The following FGFRL1 variants were observed in gnomAD, a reference collection of about 807,000 sequenced individuals.
FGFRL1 encodes fibroblast growth factor receptor like 1.
Under a neutral mutation model 36.8 loss-of-function variants are expected in FGFRL1, and 24 were observed. The ratio of observed to expected loss-of-function variants is 0.65; its 90% CI spans 0.47 to 0.92. The LOEUF is 0.92. FGFRL1 is among the 40% of genes least tolerant of loss of function. FGFRL1 has a pLI of 0.00. For synonymous variants in FGFRL1, 422 were observed against 344.1 expected (o/e 1.23, Z -2.50); for missense variants, 785 against 753.4 (o/e 1.04, Z -0.49).
intron 2 of FGFRL1, among the ~76,000 whole-genome samples, chr4:1,012,857 C>G (rs1009029153): frequency 1.3e-5 from 2 of 152,268 alleles, no homozygotes; most frequent in Non-Finnish European, 2.9e-5. Context: ...CACTTTCATA[C>G]TCGTACCTGC....
At chr4:1,024,246 A>G (rs893784130) in intron 5 of FGFRL1, 65 bp from the exon 6 acceptor site, 7 of 1,501,466 alleles carry the variant, frequency 4.7e-6, no homozygotes, top group African/African-American at 1.4e-5. Flanking sequence ...TGGTGGGCCC[A>G]GGGTGCTGGC....
intron 2 of FGFRL1, among the ~76,000 whole-genome samples, chr4:1,013,946 G>A (rs1715746421): frequency 6.6e-6 from 1 of 152,278 alleles, no homozygotes; most frequent in Non-Finnish European, 1.5e-5. Context: ...GCGGCACTGG[G>A]GAGCTGGGAT....
At position 1,012,408 on chromosome 4, in the gene FGFRL1, G is replaced by T; in HGVS notation, c.-16-62G>T. The T allele has an allele frequency of 1.9e-6, 3 of 1,557,004 alleles. No individual in the cohort carries two copies. In the South Asian group the frequency reaches 3.5e-5, roughly 18 times the overall value. On this transcript the variant is annotated intron_variant, in intron 1 of 6. Transcript: ENST00000510644. ...CAGACCCCTGATCCCCGCGGCCCGG[G>T]ACCGGGGAGGGCGGTATCTCCCAGT...
At chr4:1,012,621 C>A in intron 2 of FGFRL1, 57 bp downstream of exon 2, 1 of 810,842 alleles carries the variant, frequency 1.2e-6, no homozygotes, top group Non-Finnish European at 1.8e-6. Flanking sequence ...GCCCCCTTCC[C>A]GCCCGGCCCT....
chr4:1,022,895 G>A (rs1447853664), intron 3 of FGFRL1, among the ~76,000 whole-genome samples: 2 of 152,222 alleles, frequency 1.3e-5, no homozygotes, highest in Non-Finnish European at 1.5e-5. Flanking sequence ...CGCTGGGCTT[G>A]GACAGGTGTC....
At chr4:1,018,644 T>C (rs906860588) in intron 2 of FGFRL1, among the ~76,000 whole-genome samples, 1 of 151,260 alleles carries the variant, frequency 6.6e-6, no homozygotes, top group Non-Finnish European at 1.5e-5. Flanking sequence ...CCGGCGGGGG[T>C]TCCCTGTGTT....
chr4:1,013,555 ATGGGCCTGGCT>A (rs1411748272), intron 2 of FGFRL1, among the ~76,000 whole-genome samples: 3 of 152,160 alleles, frequency 2.0e-5, no homozygotes, highest in Admixed American at 6.5e-5. Context: ...GCCTGCCCAC[ATGGGCCTGGCT>A]GAGCGGCTGC....
At chr4:1,014,109 G>A (rs570427051) in intron 2 of FGFRL1, among the ~76,000 whole-genome samples, 9 of 152,330 alleles carry the variant, frequency 5.9e-5, no homozygotes, top group South Asian at 2.1e-4. Flanking sequence ...GTGCACCTTC[G>A]TTAGGCCAAG....
intron 2 of FGFRL1, among the ~76,000 whole-genome samples, chr4:1,015,562 G>C (rs1008041846): frequency 1.3e-5 from 2 of 152,232 alleles, no homozygotes; most frequent in African/African-American, 4.8e-5. Flanking sequence ...AGTCAGCGTG[G>C]GTGGGGGTCT....
intron 5 of FGFRL1, 73 bp downstream of exon 5, chr4:1,024,174 T>TGGGCGGGGGCGCTGGC (rs1560564859): frequency 4.7e-6 from 1 of 212,674 alleles, no homozygotes; most frequent in Non-Finnish European, 7.1e-6. Context: ...GGGGTGCTGG[T>TGGGCGGGGGCGCTGGC]GGGCGGGGGC....
intron 3 of FGFRL1, 51 bp downstream of exon 3, chr4:1,022,526 G>C (rs747996757): frequency 3.8e-5 from 59 of 1,540,654 alleles, no homozygotes; most frequent in Non-Finnish European, 5.2e-5. Context: ...AGCCAGGCAG[G>C]GGTGTGCAGG....
rs1715651276 is a variant in FGFRL1 at position 1,012,534 on chromosome 4, G to A, written c.49G>A (p.Gly17Arg). The change falls in exon 2 of 7, where the codon GGG (glycine) becomes AGG (arginine). Residue 17 changes from glycine (G) to arginine (R), a missense_variant. By Grantham distance (125) the Gly-to-Arg change is moderately radical. Transcript: ENST00000510644. ...GCTCCTGCTGCCGCCGCTGCTGCTGGGGGCCTTCCCGCCGGCCGCCGCCGC... is the reference window on the plus strand; with the variant it reads ...GCTCCTGCTGCCGCCGCTGCTGCTGAGGGCCTTCCCGCCGGCCGCCGCCGC... ...LLLLLPPLLLGAFPPAAAARG... is the reference protein window; with the variant it reads ...LLLLLPPLLLRAFPPAAAARG... 1 of 1,529,952 alleles carries A rather than the reference G, an allele frequency of 6.5e-7. No individual in the cohort carries two copies. The highest frequency in any genetic ancestry group is 8.8e-7 in the Non-Finnish European group (1 of 1,142,638). 94.8% of individuals were successfully genotyped at this position (1,529,952 alleles called of 1,614,324 possible).
At chr4:1,024,127 G>A in intron 5 of FGFRL1, 26 bp downstream of exon 5, 3 of 1,441,768 alleles carry the variant, frequency 2.1e-6, no homozygotes, top group Non-Finnish European at 2.7e-6. Flanking sequence ...GGCGCTGGCG[G>A]GCGGGGGGTG....
In FGFRL1 at chr4:1,023,903, G is replaced by A. The variant is rs1364657733; in HGVS notation, c.520G>A (p.Ala174Thr). The change falls in exon 5 of 7, where the codon GCC (alanine) becomes ACC (threonine). Residue 174 changes from alanine (A) to threonine (T), a missense_variant. By Grantham distance (58) the Ala-to-Thr change is moderately conservative. Transcript: ENST00000510644. This position sits in a 1 kb window ranked among gnomAD's most constrained non-coding sequence, Gnocchi z 6.0. ...VGSSVRLKCV[A>T]SGHPRPDITW... is the part of the protein sequence containing the mutation. Reference sequence around the variant, plus strand: ...TAGCTCCGTGCGGCTCAAGTGCGTGGCCAGCGGGCACCCTCGGCCCGACAT... The same window carrying A: ...TAGCTCCGTGCGGCTCAAGTGCGTGACCAGCGGGCACCCTCGGCCCGACAT... 6.3e-7 allele frequency: 1 copy of A among 1,579,198 alleles called. No individual in the cohort carries two copies.
intron 3 of FGFRL1, among the ~76,000 whole-genome samples, chr4:1,022,894 T>A (rs772582050): frequency 1.3e-5 from 2 of 152,154 alleles, no homozygotes; most frequent in Non-Finnish European, 2.9e-5. Context: ...GCGCTGGGCT[T>A]GGACAGGTGT....
chr4:1,017,295 C>T (rs1479302278), intron 2 of FGFRL1, among the ~76,000 whole-genome samples: 4 of 152,174 alleles, frequency 2.6e-5, no homozygotes, highest in Non-Finnish European at 5.9e-5. Context: ...GCTGCCAGGA[C>T]GCTCTTGGTC....
chr4:1,025,930 TGCCTGGACAC>T lies in FGFRL1; in HGVS notation c.*584_*593del. On this transcript the variant is annotated 3_prime_UTR_variant, in exon 7 of 7. Coordinates refer to ENST00000510644, the MANE Select transcript of FGFRL1 (RefSeq NM_001004356.3). The stretch of plus-strand genomic sequence containing the variant: ...GACACGCACACACATGCAGATATGC[TGCCTGGACAC>T]ACACTTCCAGACACACGTGCACAGG... The T allele has an allele frequency of 1.2e-5, 2 of 162,444 alleles. No homozygotes were observed. Among genetic ancestry groups the T allele is most frequent in the Non-Finnish European group, 2.7e-5 (2 of 75,386 alleles). The allele number at this position is 162,444 out of a possible 1,614,324, so 10.1% of individuals were successfully genotyped here.
chr4:1,025,551 C>CACGTGT lies in FGFRL1; in HGVS notation c.*204_*205insACGTGT. 1.5e-6 allele frequency: 1 copy of CACGTGT among 660,334 alleles called. No individual in the cohort carries two copies. The highest frequency in any genetic ancestry group is 2.5e-6 in the Non-Finnish European group (1 of 393,336). 40.9% of individuals were successfully genotyped at this position (660,334 alleles called of 1,614,324 possible). On this transcript the variant is annotated 3_prime_UTR_variant, in exon 7 of 7. Coordinates refer to ENST00000510644, the MANE Select transcript of FGFRL1 (RefSeq NM_001004356.3). ...CTGGATGCATGTATGCACACACATG[C>CACGTGT]GCGCACACGTGCTCCCTGAAGGCAC...
At chr4:1,018,646 C>G (rs1201108010) in intron 2 of FGFRL1, among the ~76,000 whole-genome samples, 2 of 152,160 alleles carry the variant, frequency 1.3e-5, no homozygotes, top group African/African-American at 2.4e-5. Context: ...GGCGGGGGTT[C>G]CCTGTGTTTC....
Sources: allele counts gnomAD v4.1 joint callset (sites outside exome capture counted in the v4.1 genomes callset), GRCh38; gene constraint gnomAD v4.1.1; non-coding constraint Gnocchi (gnomAD v3.1); transcripts MANE v1.5; gene names NCBI Gene and HGNC (gene_info 2026-07-23, HGNC 2026-07-21).